The following CSMD3 variants were observed in gnomAD, a reference collection of about 807,000 sequenced individuals.
CSMD3 encodes CUB and sushi domain-containing protein 3.
Under a neutral mutation model 435.2 loss-of-function variants are expected in CSMD3, and 177 were observed. The observed-to-expected ratio is 0.41, with a 90% CI of 0.36 to 0.46. The LOEUF is 0.46. Among genes scored for constraint, CSMD3 ranks in the 20% least tolerant of loss-of-function variants. The pLI is 0.34. For missense variants in CSMD3, 4,265 were observed against 4,504.6 expected (o/e 0.95, Z 1.52); for synonymous variants, 1,656 against 1,520.5 (o/e 1.09, Z -2.07).
intron 65 of CSMD3, among the ~76,000 whole-genome samples, 198 bp downstream of exon 65, chr8:112,244,196 C>T (rs1814462329): frequency 1.3e-5 from 2 of 152,096 alleles, no homozygotes; most frequent in Admixed American, 1.3e-4. Flanking sequence ...GTAACATTCT[C>T]ATGGGAAAAA....
At chr8:113,095,167 C>T (rs994318794) in intron 5 of CSMD3, among the ~76,000 whole-genome samples, 46 of 152,064 alleles carry the variant, frequency 3.0e-4, no homozygotes, top group African/African-American at 1.1e-3. Context: ...TCCAATTCTC[C>T]CTTAAAACTA....
At chr8:112,969,239 G>T (rs2084547675) in intron 7 of CSMD3, among the ~76,000 whole-genome samples, 1 of 151,854 alleles carries the variant, frequency 6.6e-6, no homozygotes, top group South Asian at 2.1e-4. Context: ...ATATTCAGAT[G>T]AGCTTACTTG....
intron 13 of CSMD3, among the ~76,000 whole-genome samples, chr8:112,763,366 G>A (rs1195411209): frequency 6.6e-6 from 1 of 151,026 alleles, no homozygotes; most frequent in Non-Finnish European, 1.5e-5. Context: ...ATAGATTACA[G>A]AGTAAAACTC....
intron 12 of CSMD3, among the ~76,000 whole-genome samples, chr8:112,807,768 A>T (rs888830283): frequency 6.6e-6 from 1 of 152,186 alleles, no homozygotes; most frequent in Non-Finnish European, 1.5e-5. Flanking sequence ...CAACTGTTAA[A>T]ATGTAACAGA....
intron 3 of CSMD3, among the ~76,000 whole-genome samples, chr8:113,186,523 T>A (rs981741927): frequency 6.6e-6 from 1 of 152,002 alleles, no homozygotes; most frequent in Non-Finnish European, 1.5e-5. Context: ...GCTTTCCCAT[T>A]GTCAATAGAA....
In CSMD3 at chr8:113,097,067, C is replaced by T. The variant is rs565508142; in HGVS notation, c.917+1689G>A. ...GGTAAGTCATGTCACCTCCCTAGAT[C>T]TCAGGTTCTCACCTATAACATCCAA... On this transcript the variant is annotated intron_variant, in intron 5 of 70. Coordinates refer to ENST00000297405, the MANE Select transcript of CSMD3 (RefSeq NM_198123.2). Among the ~76,000 whole-genome samples, 7 of 152,166 alleles carry T rather than the reference C, an allele frequency of 4.6e-5. No homozygotes were observed. The South Asian group carries it at 1.5e-3, about 32-fold the overall frequency.
intron 36 of CSMD3, among the ~76,000 whole-genome samples, chr8:112,389,579 T>C (rs1224295950): frequency 6.6e-6 from 1 of 152,218 alleles, no homozygotes; most frequent in Non-Finnish European, 1.5e-5. Context: ...ACCTGTCAAG[T>C]AATTTTTAAA....
chr8:112,749,051 T>A (rs2077506375), intron 13 of CSMD3, among the ~76,000 whole-genome samples: 1 of 152,226 alleles, frequency 6.6e-6, no homozygotes, highest in Non-Finnish European at 1.5e-5. Context: ...TGTGAGATAC[T>A]ATCTCATTGC....
At chr8:112,775,826 T>G (rs915110521) in intron 13 of CSMD3, among the ~76,000 whole-genome samples, 2 of 151,902 alleles carry the variant, frequency 1.3e-5, no homozygotes, top group African/African-American at 4.8e-5. Flanking sequence ...TATACATATT[T>G]AGAAAATGTG....
At chr8:112,829,415 C>A (rs1440611837) in intron 12 of CSMD3, among the ~76,000 whole-genome samples, 2 of 152,096 alleles carry the variant, frequency 1.3e-5, no homozygotes, top group African/African-American at 4.8e-5. Flanking sequence ...TATTTCCTAG[C>A]CGCTAGAACT....
At chr8:113,270,816 G>A (rs1037855714) in intron 3 of CSMD3, among the ~76,000 whole-genome samples, 6 of 151,880 alleles carry the variant, frequency 4.0e-5, no homozygotes, top group African/African-American at 1.5e-4. Context: ...CACGCACCGG[G>A]GCCTGTTGTG....
rs1830792478 is a variant in CSMD3, at chr8:112,587,081, T to C, written c.3870A>G (p.Gln1290=). ...NISARTFHLA[Q]GDVLKIYDGK... ...GTTCACCTACCTTAAGAACATCTCC[T>C]TGTGCTAAATGAAATGTTCTGGCTG... The change falls in exon 23 of 71, where the codon CAA becomes CAG. Residue 1290 remains glutamine, a synonymous_variant. Coordinates refer to ENST00000297405, the MANE Select transcript of CSMD3 (RefSeq NM_198123.2). 1.9e-6 allele frequency: 3 copies of C among 1,610,344 alleles called. No individual in the cohort carries two copies. Among genetic ancestry groups the C allele is most frequent in the Non-Finnish European group, 2.5e-6 (3 of 1,177,418 alleles).
intron 4 of CSMD3, among the ~76,000 whole-genome samples, chr8:113,153,134 G>GAAAGAAAGAAAGAAAGAAAGA (rs1564370995): frequency 1.1e-5 from 1 of 94,076 alleles, no homozygotes; most frequent in African/African-American, 6.5e-5. Flanking sequence ...AGAGAAAGAA[G>GAAAGAAAGAAAGAAAGAAAGA]GAAGGAAGGA....
chr8:112,532,321 A>T (rs886485258), intron 27 of CSMD3, among the ~76,000 whole-genome samples: 2 of 152,270 alleles, frequency 1.3e-5, no homozygotes, highest in African/African-American at 2.4e-5. Context: ...AACAGAGAAC[A>T]TTCCAAATTT....
intron 25 of CSMD3, 135 bp from the exon 26 acceptor site, chr8:112,552,855 A>G (rs1218128320): frequency 1.3e-6 from 1 of 746,302 alleles, no homozygotes; most frequent in African/African-American, 1.8e-5. Flanking sequence ...ATAAACTTTT[A>G]AAGTATCAAT....
chr8:112,835,703 A>C (rs1418551888), intron 11 of CSMD3, among the ~76,000 whole-genome samples: 2 of 151,904 alleles, frequency 1.3e-5, no homozygotes, highest in Non-Finnish European at 2.9e-5. Flanking sequence ...AAAGCAACAG[A>C]AACACAGTTT....
chr8:112,685,381 G>GA (rs755977276), intron 15 of CSMD3, 25 bp downstream of exon 15: 4 of 1,580,426 alleles, frequency 2.5e-6, no homozygotes, highest in East Asian at 2.2e-5. Flanking sequence ...TATTATATGG[G>GA]AAAAAAACAG....
At chr8:112,943,919 C>A (rs1457234968) in intron 9 of CSMD3, among the ~76,000 whole-genome samples, 1 of 151,626 alleles carries the variant, frequency 6.6e-6, no homozygotes, top group African/African-American at 2.4e-5. Flanking sequence ...GAATTACTAG[C>A]AAGTTCCCAA....
At chr8:112,933,680 T>A (rs2083189762) in intron 9 of CSMD3, among the ~76,000 whole-genome samples, 1 of 152,148 alleles carries the variant, frequency 6.6e-6, no homozygotes, top group Non-Finnish European at 1.5e-5. Context: ...GAGTTAAAAT[T>A]AGAATGACAA....
Sources: allele counts gnomAD v4.1 joint callset (sites outside exome capture counted in the v4.1 genomes callset), GRCh38; gene constraint gnomAD v4.1.1; transcripts MANE v1.5; gene names NCBI Gene and HGNC (gene_info 2026-07-23, HGNC 2026-07-21).